Variants in KANSL1L observed in about 807,000 individuals in gnomAD.
The protein encoded by KANSL1L is KAT8 regulatory NSL complex subunit 1 like, also known as KAT8 regulatory NSL complex subunit 1-like protein.
In KANSL1L, 25 loss-of-function variants were observed where a neutral mutation model predicts 108.6. The observed-to-expected ratio is 0.23, with a 90% CI of 0.17 to 0.32. The LOEUF is 0.32. Among genes scored for constraint, KANSL1L ranks in the 10% least tolerant of loss-of-function variants. KANSL1L has a pLI of 1.00. For missense variants in KANSL1L, 1,137 were observed against 1,125.7 expected (o/e 1.01, Z -0.14); for synonymous variants, 405 against 395.1 (o/e 1.03, Z -0.30).
chr2:210,154,350 T>C lies in KANSL1L; in HGVS notation c.233A>G (p.Gln78Arg). ...ATTAGATCTCATTAAAAAAACAGTCTGGTAATGTTTTGAAGACTGAGGGGA... is the reference window on the plus strand; with the variant it reads ...ATTAGATCTCATTAAAAAAACAGTCCGGTAATGTTTTGAAGACTGAGGGGA... ...FGSPQSSKHY[Q>R]TVFLMRSNST... is the part of the protein sequence containing the mutation. Residue 78 changes from glutamine (Q) to arginine (R), a missense_variant, in exon 2 of 15, where the codon CAG becomes CGG. Around this residue, in one of 3 missense-constraint regions of KANSL1L, gnomAD observed 556 missense variants for 537.7 expected, o/e 1.03. Transcript: ENST00000281772. 1.2e-6 allele frequency: 2 copies of C among 1,611,722 alleles called. No individual in the cohort carries two copies. The highest frequency in any genetic ancestry group is 1.1e-5 in the South Asian group (1 of 90,434).
At chr2:210,168,668 G>A (rs1263254697) in intron 1 of KANSL1L, among the ~76,000 whole-genome samples, 1 of 152,100 alleles carries the variant, frequency 6.6e-6, no homozygotes, top group East Asian at 1.9e-4. Flanking sequence ...TAATGCAGCA[G>A]TTGGGCTATG....
intron 4 of KANSL1L, among the ~76,000 whole-genome samples, chr2:210,103,171 C>T (rs2094811692): frequency 6.6e-6 from 1 of 152,118 alleles, no homozygotes; most frequent in Admixed American, 6.5e-5. Context: ...TTTGTAGGGA[C>T]ATGGATGAAG....
intron 1 of KANSL1L, among the ~76,000 whole-genome samples, chr2:210,156,545 A>G (rs1467501689): frequency 3.3e-5 from 5 of 152,126 alleles, no homozygotes; most frequent in Admixed American, 2.6e-4. Flanking sequence ...GTTAAAAATA[A>G]AAAAGAACAC....
intron 3 of KANSL1L, among the ~76,000 whole-genome samples, chr2:210,110,653 G>A (rs2094894893): frequency 1.3e-5 from 2 of 152,032 alleles, no homozygotes; most frequent in African/African-American, 4.8e-5. Context: ...ATTAAAGAGT[G>A]GTTAAGAGAC....
At chr2:210,087,050 A>T in intron 5 of KANSL1L, among the ~76,000 whole-genome samples, 1 of 149,940 alleles carries the variant, frequency 6.7e-6, no homozygotes. Flanking sequence ...TTTTTTTGAG[A>T]CAGGATCTTG....
At chr2:210,154,788 C>A (rs188701386) in intron 1 of KANSL1L, among the ~76,000 whole-genome samples, 177 bp from the exon 2 acceptor site, 1 of 152,300 alleles carries the variant, frequency 6.6e-6, no homozygotes, top group Admixed American at 6.5e-5. Context: ...TTCCCTCTGA[C>A]TGGGGGCCTA....
chr2:210,080,297 C>G (rs1308498033), intron 5 of KANSL1L: 1 of 152,132 alleles, frequency 6.6e-6, no homozygotes, highest in Non-Finnish European at 1.5e-5. Flanking sequence ...ATGATGCTTT[C>G]CCTTGTCTCA....
intron 8 of KANSL1L, among the ~76,000 whole-genome samples, chr2:210,038,662 T>C (rs1421272910): frequency 6.6e-6 from 1 of 151,994 alleles, no homozygotes; most frequent in Non-Finnish European, 1.5e-5. Flanking sequence ...TCATCCACCT[T>C]AAATTTGTTT....
rs144800781 is a variant in KANSL1L, at chr2:210,039,951, T to C, written c.2029+469A>G. Among the ~76,000 whole-genome samples the C allele has an allele frequency of 8.1e-3, 1,224 of 151,964 alleles. 18 individuals are homozygous for C. The highest frequency in any genetic ancestry group is 0.028 in the African/African-American group (1,153 of 41,540). On this transcript the variant is annotated intron_variant, in intron 8 of 14. Transcript: ENST00000281772. ...AAAATAGATTCTACATTATTATAGA[T>C]TTTTGTCATGTTTCCATATGTGCTT...
intron 13 of KANSL1L, among the ~76,000 whole-genome samples, chr2:210,024,628 C>T (rs2093910402): frequency 6.6e-6 from 1 of 151,670 alleles, no homozygotes; most frequent in South Asian, 2.1e-4. Flanking sequence ...GATTTATTTC[C>T]CCTTCCCTCA....
chr2:210,087,127 C>T (rs936930839), intron 5 of KANSL1L, among the ~76,000 whole-genome samples: 1 of 151,812 alleles, frequency 6.6e-6, no homozygotes, highest in Admixed American at 6.6e-5. Context: ...CTCCTGGGAC[C>T]AAGCAATCCT....
chr2:210,149,663 T>A (rs1049884052), intron 2 of KANSL1L, among the ~76,000 whole-genome samples: 4 of 151,982 alleles, frequency 2.6e-5, no homozygotes, highest in Admixed American at 6.6e-5. Flanking sequence ...AACTGATTAA[T>A]TCTAATTTTA....
chr2:210,133,633 G>A (rs1285104954), intron 2 of KANSL1L, among the ~76,000 whole-genome samples: 1 of 151,712 alleles, frequency 6.6e-6, no homozygotes, highest in Non-Finnish European at 1.5e-5. Context: ...TTTTAAGTAG[G>A]AGACTTAGAC....
chr2:210,040,878 T>C (rs1201267857), intron 7 of KANSL1L, among the ~76,000 whole-genome samples: 3 of 152,144 alleles, frequency 2.0e-5, no homozygotes, highest in Admixed American at 6.5e-5. Flanking sequence ...CAAGAAGTCT[T>C]TAAGAAAACC....
chr2:210,118,848 G>GAA (rs199816567), intron 3 of KANSL1L, among the ~76,000 whole-genome samples: 83 of 120,600 alleles, frequency 6.9e-4, no homozygotes, highest in Middle Eastern at 5.3e-3. Context: ...TGTCTCAAGA[G>GAA]AAAAAAAAAA....
intron 2 of KANSL1L, among the ~76,000 whole-genome samples, chr2:210,141,542 C>A (rs1374821029): frequency 6.6e-6 from 1 of 152,126 alleles, no homozygotes; most frequent in Non-Finnish European, 1.5e-5. Flanking sequence ...AACACTGAAT[C>A]CGCTGACAAC....
intron 2 of KANSL1L, among the ~76,000 whole-genome samples, chr2:210,136,736 A>T (rs778871872): frequency 3.9e-5 from 6 of 152,224 alleles, no homozygotes; most frequent in Non-Finnish European, 7.3e-5. Context: ...TAATGCACAC[A>T]AATGAGTTAG....
At chr2:210,054,321 CAAA>C (rs138535904) in intron 6 of KANSL1L, among the ~76,000 whole-genome samples, 112,642 of 122,882 alleles carry the variant, frequency 0.92, 51,902 homozygotes, top group East Asian at 0.98. Context: ...GACTCCATCT[CAAA>C]AAAAAAAAAA....
At chr2:210,049,797 C>T (rs998768721) in intron 6 of KANSL1L, among the ~76,000 whole-genome samples, 4 of 152,244 alleles carry the variant, frequency 2.6e-5, no homozygotes, top group African/African-American at 9.6e-5. Context: ...ATTAAAAAAT[C>T]AGTTTTGATA....
Sources: allele counts gnomAD v4.1 joint callset (sites outside exome capture counted in the v4.1 genomes callset), GRCh38; gene constraint gnomAD v4.1.1; regional missense constraint gnomAD v4.1.1; transcripts MANE v1.5; gene names NCBI Gene and HGNC (gene_info 2026-07-23, HGNC 2026-07-21).